The following ZFYVE28 variants were observed in gnomAD, a reference collection of about 807,000 sequenced individuals.
ZFYVE28 encodes the protein zinc finger FYVE-type containing 28, also known as lateral signaling target protein 2 homolog.
A neutral mutation model predicts 82.1 loss-of-function variants in ZFYVE28; 40 were observed. The observed-to-expected ratio is 0.49, with a 90% CI of 0.38 to 0.63. ZFYVE28 has a LOEUF of 0.63. Among genes scored for constraint, ZFYVE28 ranks in the 30% least tolerant of loss-of-function variants. The pLI, the probability that ZFYVE28 is intolerant of heterozygous loss-of-function variation, is 0.00. For missense variants in ZFYVE28, 1,321 were observed against 1,242.1 expected (o/e 1.06, Z -0.96); for synonymous variants, 612 against 546.1 (o/e 1.12, Z -1.68).
chr4:2,359,049 A>T (rs1725749055), intron 1 of ZFYVE28, among the ~76,000 whole-genome samples: 1 of 145,704 alleles, frequency 6.9e-6, no homozygotes, highest in African/African-American at 2.6e-5. Flanking sequence ...ATCTCAGCTC[A>T]CTGCAAGCTC....
chr4:2,327,268 ATATATATAT>A lies in ZFYVE28; in HGVS notation c.702-7006_702-6998del, dbSNP rs1347027825. Among the ~76,000 whole-genome samples the A allele has an allele frequency of 8.5e-3, 191 of 22,370 alleles. 5 individuals are homozygous for A. Among genetic ancestry groups the A allele is most frequent in the African/African-American group, 0.032 (178 of 5,506 alleles). The allele number at this position is 22,370 out of a possible 152,430, so 14.7% of individuals were successfully genotyped here. ...CCATCTCAAATATATATATATATATATATATATATATATATATATATATATATATATATA... is the reference window on the plus strand; with the variant it reads ...CCATCTCAAATATATATATATATATAATATATATATATATATATATATATA... On this transcript the variant is annotated intron_variant, in intron 6 of 12. Transcript: ENST00000290974.
At chr4:2,378,590 T>C (rs376957404) in intron 1 of ZFYVE28, among the ~76,000 whole-genome samples, 9 of 152,274 alleles carry the variant, frequency 5.9e-5, no homozygotes, top group East Asian at 5.8e-4. Flanking sequence ...CCACTGAACT[T>C]TGATGCTTTT....
Position 2,303,848 on chromosome 4 carries a change from T to C in ZFYVE28, c.2051+441A>G, listed in dbSNP as rs548753885. 1.1e-4 allele frequency among the ~76,000 whole-genome samples: 16 copies of C among 152,252 alleles called. No individual in the cohort carries two copies. The East Asian group carries it at 2.9e-3, about 28-fold the overall frequency. ...CCCGGTGTGAGCCAGGCAGCCACAG[T>C]GGTCAGCAAAGAGAAGTGGGCAGTG... is the stretch of plus-strand genomic sequence containing the variant. On this transcript the variant is annotated intron_variant, in intron 8 of 12. Transcript: ENST00000290974.
intron 1 of ZFYVE28, among the ~76,000 whole-genome samples, chr4:2,375,903 C>T (rs1433330730): frequency 1.3e-5 from 2 of 148,284 alleles, no homozygotes; most frequent in Non-Finnish European, 3.0e-5. Flanking sequence ...GATGGAGTTT[C>T]GCTCTTTTTG....
chr4:2,331,639 G>A (rs1720724053), intron 6 of ZFYVE28, among the ~76,000 whole-genome samples: 1 of 152,218 alleles, frequency 6.6e-6, no homozygotes, highest in African/African-American at 2.4e-5. Flanking sequence ...GGGACTGACT[G>A]GATGCAGGTC....
intron 8 of ZFYVE28, among the ~76,000 whole-genome samples, chr4:2,288,501 C>T (rs1449524989): frequency 2.0e-5 from 3 of 152,188 alleles, no homozygotes; most frequent in Non-Finnish European, 4.4e-5. Context: ...AGGAGACCCC[C>T]GAGGGGACCT....
chr4:2,330,414 G>A, intron 6 of ZFYVE28: 1 of 1,045,976 alleles, frequency 9.6e-7, no homozygotes, highest in South Asian at 3.2e-5. Flanking sequence ...GGAGAGGACA[G>A]CACGGAAGAG....
At position 2,306,940 on chromosome 4, in the gene ZFYVE28, T is replaced by C. The variant is rs576600122; in HGVS notation, c.804-1404A>G. 5.3e-5 allele frequency: 8 copies of C among 152,352 alleles called. No homozygotes were observed. The East Asian group carries it at 1.5e-3, about 29-fold the overall frequency. 9.4% of individuals were successfully genotyped at this position (152,352 alleles called of 1,614,324 possible). On this transcript the variant is annotated intron_variant, in intron 7 of 12. Transcript: ENST00000290974. ...CTTCGTGTATCTCTCTTGAAGAACA[T>C]ACGAGGGCATTTCTGCTGAATGCAC...
At chr4:2,329,163 T>C (rs1203240518) in intron 6 of ZFYVE28, 3 of 694,060 alleles carry the variant, frequency 4.3e-6, no homozygotes, top group Non-Finnish European at 5.3e-6. Flanking sequence ...AAAAGGCCAA[T>C]GGAGTTTCGA....
At chr4:2,377,067 G>C (rs1355421967) in intron 1 of ZFYVE28, among the ~76,000 whole-genome samples, 1 of 151,608 alleles carries the variant, frequency 6.6e-6, no homozygotes, top group South Asian at 2.1e-4. Flanking sequence ...TGTCACCCAG[G>C]CTGGAGTGCA....
intron 1 of ZFYVE28, among the ~76,000 whole-genome samples, chr4:2,356,206 C>G (rs1236683773): frequency 6.6e-6 from 1 of 152,226 alleles, no homozygotes; most frequent in Admixed American, 6.5e-5. Flanking sequence ...CACTGCCCCC[C>G]TGCCTGGGCT....
At chr4:2,370,084 G>A (rs888440780) in intron 1 of ZFYVE28, among the ~76,000 whole-genome samples, 4 of 151,706 alleles carry the variant, frequency 2.6e-5, no homozygotes, top group South Asian at 2.1e-4. Flanking sequence ...TCCTGATCTC[G>A]TGATCCGCCC....
At chr4:2,276,936 T>G (rs1736515076) in intron 8 of ZFYVE28, among the ~76,000 whole-genome samples, 1 of 151,928 alleles carries the variant, frequency 6.6e-6, no homozygotes. Flanking sequence ...ATTGTACGCT[T>G]AGGAAGGGCT....
At chr4:2,318,432 C>CGTG (rs1718549934) in intron 7 of ZFYVE28, among the ~76,000 whole-genome samples, 1 of 152,110 alleles carries the variant, frequency 6.6e-6, no homozygotes, top group East Asian at 1.9e-4. Context: ...GTGGCGTACA[C>CGTG]CCGTAATCCC....
At chr4:2,397,652 C>T (rs1012430175) in intron 1 of ZFYVE28, among the ~76,000 whole-genome samples, 3 of 152,094 alleles carry the variant, frequency 2.0e-5, no homozygotes, top group African/African-American at 7.2e-5. Context: ...CTAGGGACCT[C>T]ACGTCGGTGG....
rs2108824273 is a variant in ZFYVE28 at position 2,305,328 on chromosome 4, C to T, written c.1012G>A (p.Asp338Asn). Residue 338 changes from aspartate (D) to asparagine (N), a missense_variant, in exon 8 of 13, where the codon GAC (aspartate) becomes AAC (asparagine). Coordinates refer to ENST00000290974, the MANE Select transcript of ZFYVE28 (RefSeq NM_020972.3). Reference protein sequence around the residue: ...DAELACSMQYDDQELEQLSRM... With the variant: ...DAELACSMQYNDQELEQLSRM... ...CTGAGCTGCTCCAGCTCCTGGTCGT[C>T]GTACTGCATGGAGCAGGCCAGCTCT... is the stretch of plus-strand genomic sequence containing the variant. The T allele has an allele frequency of 1.2e-6, 2 of 1,613,160 alleles. No individual in the cohort carries two copies. Among genetic ancestry groups the T allele is most frequent in the Non-Finnish European group, 1.7e-6 (2 of 1,180,028 alleles).
intron 1 of ZFYVE28, among the ~76,000 whole-genome samples, chr4:2,366,766 C>T (rs921627316): frequency 1.3e-5 from 2 of 152,236 alleles, no homozygotes; most frequent in African/African-American, 2.4e-5. Context: ...CCCCAGAAGC[C>T]GGACCCTGGC....
chr4:2,283,729 A>T (rs1024740527), intron 8 of ZFYVE28, among the ~76,000 whole-genome samples: 13 of 152,222 alleles, frequency 8.5e-5, no homozygotes, highest in Admixed American at 8.5e-4. Flanking sequence ...TCACACACGG[A>T]AAGTGTAACA....
intron 6 of ZFYVE28, chr4:2,330,800 C>T (rs988757842): frequency 3.7e-5 from 57 of 1,523,566 alleles, no homozygotes; most frequent in African/African-American, 3.0e-4. Context: ...GGACCCTGAG[C>T]GAAGGGGACA....
Sources: allele counts gnomAD v4.1 joint callset (sites outside exome capture counted in the v4.1 genomes callset), GRCh38; gene constraint gnomAD v4.1.1; transcripts MANE v1.5; gene names NCBI Gene and HGNC (gene_info 2026-07-23, HGNC 2026-07-21).